VPS13A: variants seen among roughly 807,000 people sequenced by gnomAD.
VPS13A encodes the protein vacuolar protein sorting 13 homolog A.
In VPS13A, 264 loss-of-function variants were observed where a neutral mutation model predicts 390.9. That is an observed-to-expected ratio of 0.68 (90% CI 0.61 to 0.75). The LOEUF (loss-of-function observed/expected upper bound fraction) is 0.75. VPS13A is among the 30% of genes least tolerant of loss of function. The pLI is 0.00. For synonymous variants in VPS13A, 1,231 were observed against 1,227.1 expected (o/e 1.00, Z -0.07); for missense variants, 3,409 against 3,733.9 (o/e 0.91, Z 2.27).
At chr9:77,219,382 T>C (rs1364718260) in intron 10 of VPS13A, among the ~76,000 whole-genome samples, 1 of 152,186 alleles carries the variant, frequency 6.6e-6, no homozygotes, top group Non-Finnish European at 1.5e-5. Context: ...TTACTGGTCT[T>C]CCTCTGAATT....
chr9:77,358,527 T>C, intron 57 of VPS13A, 89 bp downstream of exon 57: 2 of 1,154,614 alleles, frequency 1.7e-6, no homozygotes, highest in Non-Finnish European at 2.5e-6. Context: ...AAACCATTCT[T>C]GGGTTTAATT....
At chr9:77,195,030 C>A (rs774373813) in intron 1 of VPS13A, among the ~76,000 whole-genome samples, 1 of 152,120 alleles carries the variant, frequency 6.6e-6, no homozygotes, top group Non-Finnish European at 1.5e-5. Context: ...GTGTTATATC[C>A]AAGAAATCAT....
At position 77,221,165 on chromosome 9, in the gene VPS13A, GTTT is replaced by G; in HGVS notation, c.990-17_990-15del. 1 of 1,611,964 alleles carries G rather than the reference GTTT, an allele frequency of 6.2e-7. No homozygotes were observed. The highest frequency in any genetic ancestry group is 2.2e-5 in the East Asian group (1 of 44,814). On this transcript the variant is annotated splice_polypyrimidine_tract_variant and intron_variant, in intron 12 of 71. Transcript: ENST00000360280. ...TACTGTTGATTTGAGGGTGTTAAATGTTTTTCTTTTTTTAACTAGGTGGGCTTA... is the reference window on the plus strand; with the variant it reads ...TACTGTTGATTTGAGGGTGTTAAATGTTCTTTTTTTAACTAGGTGGGCTTA...
At chr9:77,207,431 A>C (rs565558656) in intron 5 of VPS13A, among the ~76,000 whole-genome samples, 1 of 150,390 alleles carries the variant, frequency 6.6e-6, no homozygotes, top group African/African-American at 2.4e-5. Context: ...ATGATGTACT[A>C]TGAAGATTGA....
intron 46 of VPS13A, among the ~76,000 whole-genome samples, chr9:77,333,765 G>T (rs1287185446): frequency 6.6e-6 from 1 of 151,986 alleles, no homozygotes; most frequent in Non-Finnish European, 1.5e-5. Context: ...TAATGATACA[G>T]ATAAATATAG....
At chr9:77,343,602 T>TC (rs2131518188) in intron 50 of VPS13A, among the ~76,000 whole-genome samples, 1 of 152,366 alleles carries the variant, frequency 6.6e-6, no homozygotes, top group South Asian at 2.1e-4. Flanking sequence ...TAGTTTGGTT[T>TC]CCAGATCACT....
At position 77,177,762 on chromosome 9, in the gene VPS13A, G is replaced by C; in HGVS notation, c.58G>C (p.Val20Leu). ...GAACCGGTTCTTGGGGGACTATGTG[G>C]TGGACTTGGACACGTCCCAGCTCTC... ...VLNRFLGDYV[V>L]DLDTSQLSLG... Residue 20 changes from valine (V) to leucine (L), a missense_variant, in exon 1 of 72, where the codon GTG becomes CTG. Physicochemically the swap from Val to Leu is conservative, Grantham distance 32. Around this residue, in one of 5 missense-constraint regions of VPS13A, gnomAD observed 2,717 missense variants for 2,917.4 expected, o/e 0.93. Transcript: ENST00000360280. 3.7e-6 allele frequency: 6 copies of C among 1,613,700 alleles called. No homozygotes were observed. The highest frequency in any genetic ancestry group is 5.1e-6 in the Non-Finnish European group (6 of 1,179,724).
chr9:77,261,378 TA>T (rs967405855), intron 23 of VPS13A, among the ~76,000 whole-genome samples: 3 of 152,038 alleles, frequency 2.0e-5, no homozygotes, highest in Admixed American at 2.0e-4. Flanking sequence ...ATCTTTTGCT[TA>T]ATATATCTTC....
At chr9:77,322,047 T>A (rs1396485064) in intron 44 of VPS13A, among the ~76,000 whole-genome samples, 1 of 152,014 alleles carries the variant, frequency 6.6e-6, no homozygotes, top group Non-Finnish European at 1.5e-5. Flanking sequence ...TCTGCTTTTA[T>A]AGACCGTGGA....
chr9:77,347,863 G>GTT (rs35366264), intron 52 of VPS13A, among the ~76,000 whole-genome samples: 13 of 148,070 alleles, frequency 8.8e-5, no homozygotes, highest in Non-Finnish European at 1.0e-4. Context: ...ACAAAGTGAA[G>GTT]TTTTTTTTTT....
In VPS13A at chr9:77,418,697, A is replaced by T. The variant is rs1351301054; in HGVS notation, c.*2691A>T. 1 of 152,166 alleles carries T rather than the reference A, an allele frequency of 6.6e-6. No homozygotes were observed. Among genetic ancestry groups the T allele is most frequent in the Non-Finnish European group, 1.5e-5 (1 of 68,028 alleles). 9.4% of individuals were successfully genotyped at this position (152,166 alleles called of 1,614,324 possible). ...CCACAATCCTAGTCCATTTGGAGGCAACTATCCTGTGGCCTCCAAGTGAAT... is the reference window on the plus strand; with the variant it reads ...CCACAATCCTAGTCCATTTGGAGGCTACTATCCTGTGGCCTCCAAGTGAAT... On this transcript the variant is annotated 3_prime_UTR_variant, in exon 72 of 72. Coordinates refer to ENST00000360280, the MANE Select transcript of VPS13A (RefSeq NM_033305.3).
chr9:77,300,467 TACGCCTGTAA>T (rs1414950481), intron 33 of VPS13A, among the ~76,000 whole-genome samples: 1 of 152,196 alleles, frequency 6.6e-6, no homozygotes, highest in Admixed American at 6.5e-5. Context: ...CACGTTGGCT[TACGCCTGTAA>T]ACCCAGCACT....
chr9:77,191,295 CTTTT>C (rs200313087), intron 1 of VPS13A, among the ~76,000 whole-genome samples: 5 of 134,552 alleles, frequency 3.7e-5, no homozygotes, highest in Non-Finnish European at 4.8e-5. Context: ...TTTTCTTCTT[CTTTT>C]TTTTTTTTTT....
chr9:77,194,363 G>C (rs539216919), intron 1 of VPS13A, among the ~76,000 whole-genome samples: 2 of 151,336 alleles, frequency 1.3e-5, no homozygotes, highest in East Asian at 1.9e-4. Flanking sequence ...ATGGGGGTTG[G>C]GGGGGGCGCT....
Position 77,344,357 on chromosome 9 carries a change from G to C in VPS13A, c.7155+76G>C, listed in dbSNP as rs1336315495. 1.1e-5 allele frequency: 16 copies of C among 1,467,732 alleles called. No homozygotes were observed. In the East Asian group the frequency reaches 2.3e-4, roughly 21 times the overall value. The allele number at this position is 1,467,732 out of a possible 1,614,324, so 90.9% of individuals were successfully genotyped here. ...CTGACTAGTATTGTATTTATTTTTTGTATCAAATAATTACTTCTGTTGATT... is the reference window on the plus strand; with the variant it reads ...CTGACTAGTATTGTATTTATTTTTTCTATCAAATAATTACTTCTGTTGATT... On this transcript the variant is annotated intron_variant, in intron 51 of 71. Transcript: ENST00000360280.
At chr9:77,309,054 G>A (rs761954603) in intron 35 of VPS13A, among the ~76,000 whole-genome samples, 4 of 152,108 alleles carry the variant, frequency 2.6e-5, no homozygotes, top group Non-Finnish European at 5.9e-5. Flanking sequence ...ACAGACAATT[G>A]AGGTGACAGA....
intron 42 of VPS13A, among the ~76,000 whole-genome samples, 183 bp downstream of exon 42, chr9:77,319,856 A>G (rs891256208): frequency 3.3e-5 from 5 of 152,076 alleles, no homozygotes; most frequent in Admixed American, 2.6e-4. Context: ...ATCAACGTAT[A>G]TTTGAAGACT....
rs1827855379 is a variant in VPS13A, at chr9:77,294,388, CCTGTGGGTGT to C, written c.3507+882_3507+891del. On this transcript the variant is annotated intron_variant, in intron 32 of 71. Coordinates refer to ENST00000360280, the MANE Select transcript of VPS13A (RefSeq NM_033305.3). Reference sequence around the variant, plus strand: ...CCCTTGCTGTCAGCTGATATTTTTTCCTGTGGGTGTCACACCTATCTCCATAACATCACTA... The same window carrying C: ...CCCTTGCTGTCAGCTGATATTTTTTCCACACCTATCTCCATAACATCACTA... Among the ~76,000 whole-genome samples, 6 of 151,884 alleles carry C rather than the reference CCTGTGGGTGT, an allele frequency of 4.0e-5. 1 individual carries two copies. In the South Asian group the frequency reaches 1.2e-3, roughly 32 times the overall value.
At chr9:77,340,840 C>T (rs1214045503) in intron 50 of VPS13A, 2 of 337,888 alleles carry the variant, frequency 5.9e-6, no homozygotes, top group African/African-American at 2.1e-5. Context: ...TGTAAATGCA[C>T]CAAAGAGAAG....
Sources: gnomAD v4.1 joint callset for allele counts (sites outside exome capture counted in the v4.1 genomes callset) on GRCh38, gnomAD v4.1.1 for gene constraint, gnomAD v4.1.1 regional missense constraint, MANE v1.5 for transcripts, NCBI Gene and HGNC (gene_info 2026-07-23, HGNC 2026-07-21) for gene names.